Variants in METTL24 observed in about 807,000 individuals in gnomAD.
METTL24 encodes probable methyltransferase-like protein 24.
METTL24 carries 29 observed loss-of-function variants against 32.7 expected under a neutral mutation model. That is an observed-to-expected ratio of 0.89 (90% confidence interval 0.66 to 1.21). The LOEUF (loss-of-function observed/expected upper bound fraction) is 1.21. METTL24 is among the 50% of genes most tolerant of loss of function. The pLI, the probability that METTL24 is intolerant of heterozygous loss-of-function variation, is 0.00. For synonymous variants in METTL24, 163 were observed against 179.5 expected, an observed-to-expected ratio of 0.91 and a Z score of 0.73; for missense variants, 439 against 468.1, an observed-to-expected ratio of 0.94 and a Z score of 0.57.
intron 3 of METTL24, among the ~76,000 whole-genome samples, chr6:110,309,599 A>G (rs147354860): frequency 0.012 from 1,787 of 152,296 alleles, 39 homozygotes; most frequent in African/African-American, 0.039. Flanking sequence ...GGCAAGGAGG[A>G]GCAAGTCATG....
intron 1 of METTL24, among the ~76,000 whole-genome samples, chr6:110,327,717 C>G (rs1772040417): frequency 6.6e-6 from 1 of 152,150 alleles, no homozygotes; most frequent in Non-Finnish European, 1.5e-5. Context: ...TTTGTCCTTC[C>G]CAAATTCCCA....
chr6:110,248,387 CTGTAGGACA>C (rs1778209822), intron 4 of METTL24, among the ~76,000 whole-genome samples: 1 of 152,200 alleles, frequency 6.6e-6, no homozygotes, highest in Non-Finnish European at 1.5e-5. Flanking sequence ...GCCTGAGACT[CTGTAGGACA>C]TGGTTTCACA....
intron 3 of METTL24, among the ~76,000 whole-genome samples, chr6:110,305,479 A>G (rs552999485): frequency 3.3e-5 from 5 of 151,688 alleles, no homozygotes; most frequent in African/African-American, 1.2e-4. Context: ...ACAAATTTAC[A>G]AGAAAAAAAC....
In METTL24 at chr6:110,327,287, C is replaced by T. The variant is rs181871017; in HGVS notation, c.319-4415G>A. 3.3e-5 allele frequency among the ~76,000 whole-genome samples: 5 copies of T among 152,308 alleles called. No individual in the cohort carries two copies. In the East Asian group the frequency reaches 9.6e-4, roughly 29 times the overall value. ...ACACAGTAGCAGCATTTAACCTGAG[C>T]TAACATACAAAAGTAACTTCACAGA... On this transcript the variant is annotated intron_variant, in intron 1 of 4. Coordinates refer to ENST00000338882, the MANE Select transcript of METTL24 (RefSeq NM_001123364.3).
intron 4 of METTL24, among the ~76,000 whole-genome samples, chr6:110,249,071 A>G (rs536159063): frequency 6.6e-6 from 1 of 151,984 alleles, no homozygotes; most frequent in Non-Finnish European, 1.5e-5. Context: ...GCTTATGTTG[A>G]ATGTGAGGAA....
In METTL24 at chr6:110,358,227, G is replaced by A. The variant is rs1166882326; in HGVS notation, c.46C>T (p.Arg16Trp). Residue 16 changes from arginine (R) to tryptophan (W), a missense_variant, in exon 1 of 5, where the codon CGG becomes TGG. Coordinates refer to ENST00000338882, the MANE Select transcript of METTL24 (RefSeq NM_001123364.3). ...AACAGCACAGCCCCGAGTAGACACCGGCGCAGGACGCCGCAGCCCCTCCCG... is the reference window on the plus strand; with the variant it reads ...AACAGCACAGCCCCGAGTAGACACCAGCGCAGGACGCCGCAGCCCCTCCCG... ...PPGRGCGVLRRCLLGAVLLFG... is the reference protein window; with the variant it reads ...PPGRGCGVLRWCLLGAVLLFG... 6.7e-7 allele frequency: 1 copy of A among 1,485,034 alleles called. No individual in the cohort carries two copies. Among genetic ancestry groups the A allele is most frequent in the Non-Finnish European group, 8.9e-7 (1 of 1,124,394 alleles). The allele number at this position is 1,485,034 out of a possible 1,614,324, so 92.0% of individuals were successfully genotyped here.
chr6:110,307,904 T>G (rs1019469674), intron 3 of METTL24, among the ~76,000 whole-genome samples: 1 of 152,228 alleles, frequency 6.6e-6, no homozygotes, highest in South Asian at 2.1e-4. Flanking sequence ...AATATTGTTC[T>G]GCATATATTA....
chr6:110,274,715 C>T lies in METTL24; in HGVS notation c.786+24207G>A, dbSNP rs920532948. 6.1e-5 allele frequency among the ~76,000 whole-genome samples: 9 copies of T among 147,704 alleles called. No individual in the cohort carries two copies. The South Asian group carries it at 8.5e-4, about 14-fold the overall frequency. ...TGTAAAAATACAACTAAGGCAGAAA[C>T]GTATAAAGCAAAAAGTAAAGGTCCC... On this transcript the variant is annotated intron_variant, in intron 4 of 4. Transcript: ENST00000338882.
intron 3 of METTL24, among the ~76,000 whole-genome samples, chr6:110,304,422 T>G (rs1017597319): frequency 6.6e-6 from 1 of 152,120 alleles, no homozygotes; most frequent in Non-Finnish European, 1.5e-5. Context: ...AGAACCTTGA[T>G]AAAAGGTTAG....
intron 3 of METTL24, among the ~76,000 whole-genome samples, chr6:110,310,671 CAG>C (rs1302247983): frequency 6.6e-6 from 1 of 152,204 alleles, no homozygotes; most frequent in Non-Finnish European, 1.5e-5. Context: ...GAACATGACA[CAG>C]AGTGCACACT....
At chr6:110,271,598 G>C (rs1234179145) in intron 4 of METTL24, among the ~76,000 whole-genome samples, 1 of 152,094 alleles carries the variant, frequency 6.6e-6, no homozygotes, top group Non-Finnish European at 1.5e-5. Context: ...ACTTAAAACA[G>C]TTCACAGGGA....
chr6:110,307,413 T>G lies in METTL24; in HGVS notation c.557+7929A>C, dbSNP rs17071422. 4.6e-3 allele frequency among the ~76,000 whole-genome samples: 705 copies of G among 152,338 alleles called. 9 individuals carry two copies. Among genetic ancestry groups the G allele is most frequent in the African/African-American group, 0.017 (687 of 41,574 alleles). ...AGAATACATTATAGAAAATTTTGCT[T>G]GAAAGAAATATTTTATTTAATGTTT... On this transcript the variant is annotated intron_variant, in intron 3 of 4. Transcript: ENST00000338882.
chr6:110,318,651 C>CA (rs56890760), intron 2 of METTL24, among the ~76,000 whole-genome samples: 2,607 of 90,294 alleles, frequency 0.029, 71 homozygotes, highest in East Asian at 0.16. Flanking sequence ...GACTCTACCT[C>CA]AAAAAAAAAA....
chr6:110,350,335 G>A (rs1027863390), intron 1 of METTL24, among the ~76,000 whole-genome samples: 1 of 152,086 alleles, frequency 6.6e-6, no homozygotes, highest in African/African-American at 2.4e-5. Context: ...TTCTCTCCAG[G>A]AGGGTTTCAA....
At chr6:110,300,742 G>C (rs1582410541) in intron 3 of METTL24, among the ~76,000 whole-genome samples, 1 of 151,870 alleles carries the variant, frequency 6.6e-6, no homozygotes, top group African/African-American at 2.4e-5. Flanking sequence ...AATACAGGCA[G>C]CCCTCTGTAT....
At chr6:110,296,347 A>G (rs1273907618) in intron 4 of METTL24, among the ~76,000 whole-genome samples, 1 of 152,232 alleles carries the variant, frequency 6.6e-6, no homozygotes, top group Non-Finnish European at 1.5e-5. Context: ...TTAGTTAACA[A>G]TAACCACTTC....
chr6:110,358,178 T>C lies in METTL24; in HGVS notation c.95A>G (p.Glu32Gly). ...VLLFGLRLCAELRRAGPGSPT... is the reference protein window; with the variant it reads ...VLLFGLRLCAGLRRAGPGSPT... ...GGACCCGGGCCCGGCGCGCCGCAGC[T>C]CTGCGCAGAGCCGCAGGCCGAACAA... The change falls in exon 1 of 5, where the codon GAG (glutamate) becomes GGG (glycine). Residue 32 changes from glutamate to glycine, a missense_variant. Physicochemically the swap from Glu to Gly is moderately conservative, Grantham distance 98 (BLOSUM62 -2). Transcript: ENST00000338882. 1 of 1,374,890 alleles carries C rather than the reference T, an allele frequency of 7.3e-7. No homozygotes were observed. The highest frequency in any genetic ancestry group is 9.4e-7 in the Non-Finnish European group (1 of 1,067,252). The allele number at this position is 1,374,890 out of a possible 1,614,324, so 85.2% of individuals were successfully genotyped here. A position where few individuals can be genotyped will look rare whatever the true frequency, so the allele number is the denominator to read the frequency against.
intron 1 of METTL24, among the ~76,000 whole-genome samples, chr6:110,329,750 T>C (rs1396576144): frequency 2.0e-5 from 3 of 152,178 alleles, no homozygotes; most frequent in Non-Finnish European, 4.4e-5. Context: ...AAGAATCAGT[T>C]ATACATTGTG....
intron 3 of METTL24, among the ~76,000 whole-genome samples, chr6:110,300,812 A>C (rs1237453549): frequency 6.6e-6 from 1 of 152,234 alleles, no homozygotes; most frequent in Non-Finnish European, 1.5e-5. Context: ...AAAAAACAAA[A>C]ATAAAAAAAT....
Sources: allele counts gnomAD v4.1 joint callset (sites outside exome capture counted in the v4.1 genomes callset), GRCh38; gene constraint gnomAD v4.1.1; transcripts MANE v1.5; gene names NCBI Gene and HGNC (gene_info 2026-07-23, HGNC 2026-07-21).